The following SAMD3 variants were observed in gnomAD, a reference collection of about 807,000 sequenced individuals.
SAMD3 encodes sterile alpha motif domain-containing protein 3.
SAMD3 carries 63 observed loss-of-function variants against 58.5 expected under a neutral mutation model. That is an observed-to-expected ratio of 1.08 (90% CI 0.88 to 1.33). SAMD3 has a LOEUF of 1.33. SAMD3 is among the 40% of genes most tolerant of loss of function. SAMD3 has a pLI of 0.00. For synonymous variants in SAMD3, 220 were observed against 210.3 expected, an observed-to-expected ratio of 1.05 and a Z score of -0.40; for missense variants, 604 against 608.4, an observed-to-expected ratio of 0.99 and a Z score of 0.08.
chr6:130,287,127 T>C (rs77506348), intron 2 of SAMD3, among the ~76,000 whole-genome samples: 2,784 of 152,276 alleles, frequency 0.018, 77 homozygotes, highest in African/African-American at 0.059. Context: ...TCTTCTGTCT[T>C]CTAAATGAGC....
At chr6:130,180,817 T>C (rs527696528) in intron 7 of SAMD3, among the ~76,000 whole-genome samples, 1 of 152,286 alleles carries the variant, frequency 6.6e-6, no homozygotes, top group South Asian at 2.1e-4. Flanking sequence ...CAGAAAGAAT[T>C]ATCCAGCCCC....
At chr6:130,174,509 C>T (rs1377358547) in intron 8 of SAMD3, among the ~76,000 whole-genome samples, 2 of 152,134 alleles carry the variant, frequency 1.3e-5, no homozygotes, top group Non-Finnish European at 2.9e-5. Context: ...TAACCAGTCC[C>T]AATGAGATGA....
At chr6:130,157,922 C>G (rs907667797) in intron 8 of SAMD3, among the ~76,000 whole-genome samples, 2 of 138,772 alleles carry the variant, frequency 1.4e-5, no homozygotes, top group African/African-American at 5.4e-5. Context: ...ATAGAAAATA[C>G]AATTTTTTAC....
intron 2 of SAMD3, among the ~76,000 whole-genome samples, chr6:130,263,325 T>C (rs1434582892): frequency 6.6e-6 from 1 of 152,132 alleles, no homozygotes; most frequent in East Asian, 1.9e-4. Context: ...AAACTAAAAG[T>C]CTTTTAGCAC....
rs1295676519 is a variant in SAMD3, at chr6:130,184,566, A to C, written c.441T>G (p.Tyr147Ter). The change falls in exon 6 of 12, where the codon TAT (tyrosine) becomes TAG (stop). Residue 147 changes from tyrosine to a stop codon, truncating the protein, a stop_gained. Transcript: ENST00000439090. LOFTEE classifies it high-confidence loss of function. Reference sequence around the variant, plus strand: ...CATCATAGGGAAACTCTGGTAAAACATAGGACTTCGTCCACTGTAATGCTT... The same window carrying C: ...CATCATAGGGAAACTCTGGTAAAACCTAGGACTTCGTCCACTGTAATGCTT... The part of the protein sequence containing the change: ...RSKALQWTKS[Y>*]VLPEFPYDVK... The C allele has an allele frequency of 6.2e-7, 1 of 1,614,198 alleles. No homozygotes were observed.
In SAMD3 at chr6:130,215,308, G is replaced by A; in HGVS notation, c.-21-14C>T. On this transcript the variant is annotated splice_polypyrimidine_tract_variant and intron_variant, in intron 2 of 11. Transcript: ENST00000439090. The stretch of plus-strand genomic sequence containing the variant: ...CTGTAAATACACCTGTAGAGCAAAA[G>A]GTCAGAGAATTCTCCAGCTTTTCTT... 2 of 1,494,774 alleles carry A rather than the reference G, an allele frequency of 1.3e-6. No homozygotes were observed. The highest frequency in any genetic ancestry group is 1.8e-6 in the Non-Finnish European group (2 of 1,102,138). 92.6% of individuals were successfully genotyped at this position (1,494,774 alleles called of 1,614,324 possible).
At chr6:130,264,806 A>C (rs1774278278) in intron 2 of SAMD3, among the ~76,000 whole-genome samples, 1 of 152,180 alleles carries the variant, frequency 6.6e-6, no homozygotes, top group African/African-American at 2.4e-5. Flanking sequence ...TGTCGGCCTC[A>C]GTCCTGGGGC....
chr6:130,310,266 T>C (rs891417643), intron 2 of SAMD3, among the ~76,000 whole-genome samples: 19 of 152,234 alleles, frequency 1.2e-4, no homozygotes, highest in Non-Finnish European at 1.3e-4. Flanking sequence ...ATTGCAAATG[T>C]AATCTTAGTA....
chr6:130,156,963 G>C (rs952242654), intron 8 of SAMD3, among the ~76,000 whole-genome samples: 1 of 151,954 alleles, frequency 6.6e-6, no homozygotes, highest in East Asian at 1.9e-4. Context: ...CCAGCTACCC[G>C]GGGGACTGAG....
At chr6:130,192,807 T>G (rs967496074) in intron 5 of SAMD3, among the ~76,000 whole-genome samples, 11 of 152,182 alleles carry the variant, frequency 7.2e-5, no homozygotes, top group African/African-American at 2.7e-4. Flanking sequence ...ACCTACGACC[T>G]CAGGTCTTCA....
chr6:130,152,399 G>A (rs571885103), intron 9 of SAMD3, among the ~76,000 whole-genome samples: 1 of 151,812 alleles, frequency 6.6e-6, no homozygotes, highest in African/African-American at 2.4e-5. Flanking sequence ...CAATCAGGTC[G>A]GGCACGGTGG....
chr6:130,340,338 T>G (rs1777230677), intron 1 of SAMD3, among the ~76,000 whole-genome samples: 1 of 152,220 alleles, frequency 6.6e-6, no homozygotes, highest in Non-Finnish European at 1.5e-5. Flanking sequence ...GCCTCTTCAG[T>G]CTTCAAAGCC....
chr6:130,295,184 A>G (rs1470099465), intron 2 of SAMD3, among the ~76,000 whole-genome samples: 1 of 152,076 alleles, frequency 6.6e-6, no homozygotes, highest in Non-Finnish European at 1.5e-5. Flanking sequence ...CGGCCTCCCA[A>G]AGTGCTGGGA....
chr6:130,243,855 A>T (rs991152507), intron 2 of SAMD3, among the ~76,000 whole-genome samples: 2 of 152,160 alleles, frequency 1.3e-5, no homozygotes, highest in Non-Finnish European at 2.9e-5. Context: ...GTAATAAAAA[A>T]TTTCAAAATG....
intron 4 of SAMD3, among the ~76,000 whole-genome samples, chr6:130,214,127 G>A (rs1795818276): frequency 6.6e-6 from 1 of 151,986 alleles, no homozygotes. Flanking sequence ...CCTAATGATT[G>A]GAATCCATGT....
intron 9 of SAMD3, 124 bp downstream of exon 9, chr6:130,154,695 GAAAAAA>G (rs145408019): frequency 0.032 from 3,452 of 107,970 alleles, 50 homozygotes; most frequent in Non-Finnish European, 0.038. Context: ...GACTCTGTCT[GAAAAAA>G]AAAAAAAAAA....
intron 2 of SAMD3, among the ~76,000 whole-genome samples, chr6:130,273,285 C>T (rs1194675625): frequency 1.3e-5 from 2 of 152,016 alleles, no homozygotes; most frequent in East Asian, 3.8e-4. Context: ...TGAATAAGGT[C>T]TGTTTTGTTT....
chr6:130,355,570 CTTCTCTAAT>C (rs1414606699), intron 1 of SAMD3, among the ~76,000 whole-genome samples: 3 of 152,200 alleles, frequency 2.0e-5, no homozygotes, highest in Non-Finnish European at 4.4e-5. Context: ...GACATAACAT[CTTCTCTAAT>C]GGAGGAAGGT....
intron 3 of SAMD3, 77 bp from the exon 4 acceptor site, chr6:130,214,603 T>C: frequency 9.8e-7 from 1 of 1,018,714 alleles, no homozygotes; most frequent in Non-Finnish European, 1.4e-6. Context: ...CAAAATTACC[T>C]CTAGTGATAA....
Sources: gnomAD v4.1 joint callset for allele counts (sites outside exome capture counted in the v4.1 genomes callset) on GRCh38, gnomAD v4.1.1 for gene constraint, MANE v1.5 for transcripts, NCBI Gene and HGNC (gene_info 2026-07-23, HGNC 2026-07-21) for gene names.